Variants in UBN2 observed in about 807,000 individuals in gnomAD.
The protein encoded by UBN2 is ubinuclein-2.
A neutral mutation model predicts 120.2 loss-of-function variants in UBN2; 35 were observed. The observed-to-expected ratio is 0.29, with a 90% CI of 0.22 to 0.39. The LOEUF (loss-of-function observed/expected upper bound fraction) is 0.39, where lower values mean the gene tolerates loss of function less well. Ranked by LOEUF, UBN2 falls within the 10% of genes least tolerant of loss-of-function variation. The probability of loss-of-function intolerance (pLI) is 1.00; values close to 1 mark genes in which losing one functional copy is unlikely to be tolerated. For missense variants in UBN2, 1,693 were observed against 1,663.2 expected, an observed-to-expected ratio of 1.02 and a Z score of -0.31; for synonymous variants, 661 against 648.7, an observed-to-expected ratio of 1.02 and a Z score of -0.29.
chr7:139,232,093 C>A lies in UBN2; in HGVS notation c.468+141C>A, dbSNP rs951321508. 6 of 723,786 alleles carry A rather than the reference C, an allele frequency of 8.3e-6. No individual in the cohort carries two copies. The African/African-American group carries it at 9.5e-5, about 11-fold the overall frequency. The allele number at this position is 723,786 out of a possible 1,614,324, so 44.8% of individuals were successfully genotyped here. On this transcript the variant is annotated intron_variant, in intron 1 of 17. Coordinates refer to ENST00000473989, the MANE Select transcript of UBN2 (RefSeq NM_173569.4). ...TGGGGTGCGGGGGGCCGGGGCCGAG[C>A]GGGTGGACGGGGCGGTGAGCGCTGC...
At chr7:139,328,284 G>C in the UBN2 span, among the ~76,000 whole-genome samples, 1 of 152,208 alleles carries the variant, frequency 6.6e-6, no homozygotes, top group African/African-American at 2.4e-5. Context: ...GCAGGGGAGA[G>C]AGTGGAGGGG....
Position 139,296,252 on chromosome 7 carries a change from G to T in UBN2, c.3995-1535G>T, listed in dbSNP as rs558888983. Reference sequence around the variant, plus strand: ...AAGGGCCAAATAGTAAATATGTTAGGCTTTGCAGGTCATATGGTCTCTGTC... The same window carrying T: ...AAGGGCCAAATAGTAAATATGTTAGTCTTTGCAGGTCATATGGTCTCTGTC... On this transcript the variant is annotated intron_variant, in intron 17 of 17. Coordinates refer to ENST00000473989, the MANE Select transcript of UBN2 (RefSeq NM_173569.4). 1.9e-3 allele frequency among the ~76,000 whole-genome samples: 291 copies of T among 152,252 alleles called. 1 individual carries two copies. The highest frequency in any genetic ancestry group is 6.6e-3 in the African/African-American group (273 of 41,542).
At chr7:139,314,536 A>G in the UBN2 span, among the ~76,000 whole-genome samples, 3 of 152,006 alleles carry the variant, frequency 2.0e-5, no homozygotes, top group Admixed American at 6.5e-5. Flanking sequence ...CCCAGGCTGG[A>G]CTGCTATGGT....
intron 11 of UBN2, 70 bp downstream of exon 11, chr7:139,274,144 C>A: frequency 7.1e-7 from 1 of 1,415,310 alleles, no homozygotes; most frequent in Non-Finnish European, 9.4e-7. Flanking sequence ...TATACATACA[C>A]ATACACATAT....
At chr7:139,317,529 G>A in the UBN2 span, among the ~76,000 whole-genome samples, 3 of 151,648 alleles carry the variant, frequency 2.0e-5, no homozygotes, top group African/African-American at 7.3e-5. Context: ...GGCAGATATT[G>A]ACACTAATAT....
At chr7:139,279,219 C>A (rs1335630668) in intron 12 of UBN2, 99 bp from the exon 13 acceptor site, 1 of 942,618 alleles carries the variant, frequency 1.1e-6, no homozygotes, top group Non-Finnish European at 1.6e-6. Flanking sequence ...TTCCAAATAG[C>A]AGAAGGAATT....
At chr7:139,321,126 T>C in the UBN2 span, among the ~76,000 whole-genome samples, 1 of 152,130 alleles carries the variant, frequency 6.6e-6, no homozygotes, top group Non-Finnish European at 1.5e-5. Flanking sequence ...GAACAAAACA[T>C]TAGGTGCCAA....
the UBN2 span, among the ~76,000 whole-genome samples, chr7:139,316,871 T>G: frequency 6.6e-6 from 1 of 152,124 alleles, no homozygotes. Context: ...GTGAACTATA[T>G]TCCTTCTTTC....
intron 13 of UBN2, among the ~76,000 whole-genome samples, chr7:139,281,707 G>A (rs556953492): frequency 1.5e-4 from 23 of 152,320 alleles, no homozygotes; most frequent in African/African-American, 5.5e-4. Flanking sequence ...TTTTAAAACA[G>A]CAGTTTTATA....
intron 12 of UBN2, 40 bp from the exon 13 acceptor site, chr7:139,279,278 A>T (rs1304990177): frequency 4.0e-6 from 6 of 1,511,984 alleles, no homozygotes; most frequent in Non-Finnish European, 5.5e-6. Context: ...GAGCAATATA[A>T]CTGCTACTGA....
chr7:139,313,062 A>G (rs1798468967), downstream of UBN2, among the ~76,000 whole-genome samples: 2 of 152,124 alleles, frequency 1.3e-5, no homozygotes, highest in South Asian at 4.1e-4. Context: ...CTTAGTATCT[A>G]GTAAAGAGAG....
intron 2 of UBN2, among the ~76,000 whole-genome samples, chr7:139,239,957 A>G (rs1454353345): frequency 6.6e-6 from 1 of 152,226 alleles, no homozygotes; most frequent in Non-Finnish European, 1.5e-5. Flanking sequence ...AAAGTGATTC[A>G]GTATATGACG....
At position 139,300,415 on chromosome 7, in the gene UBN2, A is replaced by G. The variant is rs904592881; in HGVS notation, c.*2579A>G. On this transcript the variant is annotated 3_prime_UTR_variant, in exon 18 of 18. Coordinates refer to ENST00000473989, the MANE Select transcript of UBN2 (RefSeq NM_173569.4). Reference sequence around the variant, plus strand: ...TAATCTATTTCTTTCCTAGATCATAACATTGAAAAAGGTGCCCATACTTTA... The same window carrying G: ...TAATCTATTTCTTTCCTAGATCATAGCATTGAAAAAGGTGCCCATACTTTA... The G allele has an allele frequency of 2.0e-5, 3 of 152,242 alleles. No homozygotes were observed. The highest frequency in any genetic ancestry group is 7.2e-5 in the African/African-American group (3 of 41,456). 9.4% of individuals were successfully genotyped at this position (152,242 alleles called of 1,614,324 possible). A position where few individuals can be genotyped will look rare whatever the true frequency, so the allele number is the denominator to read the frequency against.
rs766203971 is a variant in UBN2, at chr7:139,283,848, C to T, written c.2943C>T (p.Arg981=). 1 of 1,614,146 alleles carries T rather than the reference C, an allele frequency of 6.2e-7. No homozygotes were observed. Among genetic ancestry groups the T allele is most frequent in the East Asian group, 2.2e-5 (1 of 44,882 alleles). Residue 981 remains arginine (R), a synonymous_variant, in exon 15 of 18, where the codon CGC becomes CGT. Transcript: ENST00000473989. ...IKTSDKPLMY[R]LPLSTPSPGN... ...CTTCAGATAAGCCACTTATGTACCGCCTTCCCTTATCTACCCCCTCACCTG... is the reference window on the plus strand; with the variant it reads ...CTTCAGATAAGCCACTTATGTACCGTCTTCCCTTATCTACCCCCTCACCTG...
intron 2 of UBN2, among the ~76,000 whole-genome samples, chr7:139,241,720 G>C (rs1038412126): frequency 1.3e-5 from 2 of 152,204 alleles, no homozygotes; most frequent in Non-Finnish European, 2.9e-5. Context: ...AAATCAGCTA[G>C]GTGAAGCGGC....
At chr7:139,251,187 T>A (rs114963150) in intron 2 of UBN2, among the ~76,000 whole-genome samples, 7,144 of 152,090 alleles carry the variant, frequency 0.047, 277 homozygotes, top group South Asian at 0.099. Context: ...TTTAAAAAAA[T>A]AATAATAATA....
At chr7:139,232,840 A>G (rs1772816061) in intron 1 of UBN2, among the ~76,000 whole-genome samples, 1 of 152,242 alleles carries the variant, frequency 6.6e-6, no homozygotes, top group South Asian at 2.1e-4. Context: ...GTAAGAGGTG[A>G]ACAATGGAGA....
At chr7:139,284,667 T>G in intron 15 of UBN2, 93 bp downstream of exon 15, 3 of 1,134,774 alleles carry the variant, frequency 2.6e-6, no homozygotes, top group Non-Finnish European at 3.7e-6. Flanking sequence ...TTATGATATG[T>G]GGATTGTTCT....
rs1043686875 is a variant in UBN2, at chr7:139,305,127, A to T, written c.*7291A>T. The T allele has an allele frequency of 2.6e-5, 4 of 152,224 alleles. No individual in the cohort carries two copies. Among genetic ancestry groups the T allele is most frequent in the African/African-American group, 9.6e-5 (4 of 41,462 alleles). 9.4% of individuals were successfully genotyped at this position (152,224 alleles called of 1,614,324 possible). On this transcript the variant is annotated 3_prime_UTR_variant, in exon 18 of 18. Transcript: ENST00000473989. Reference sequence around the variant, plus strand: ...AATTCTGAGAGTTTTAGATTATATGACACAATGTTCAGGTTTATAGAGCTG... The same window carrying T: ...AATTCTGAGAGTTTTAGATTATATGTCACAATGTTCAGGTTTATAGAGCTG...
Sources: gnomAD v4.1 joint callset for allele counts (sites outside exome capture counted in the v4.1 genomes callset) on GRCh38, gnomAD v4.1.1 for gene constraint, MANE v1.5 for transcripts, NCBI Gene and HGNC (gene_info 2026-07-23, HGNC 2026-07-21) for gene names.